Variants in PREX1 observed in about 807,000 individuals in gnomAD.
PREX1 encodes the protein phosphatidylinositol 3,4,5-trisphosphate-dependent Rac exchanger 1 protein.
PREX1 carries 41 observed loss-of-function variants against 198.3 expected under a neutral mutation model. The ratio of observed to expected loss-of-function variants is 0.21; its 90% CI spans 0.16 to 0.27. PREX1 has a LOEUF of 0.27. PREX1 is among the 10% of genes least tolerant of loss of function. The pLI, the probability that PREX1 is intolerant of heterozygous loss-of-function variation, is 1.00. For synonymous variants in PREX1, 843 were observed against 887.2 expected (o/e 0.95, Z 0.89); for missense variants, 1,620 against 2,200.7 (o/e 0.74, Z 5.28).
chr20:48,653,228 G>A (rs562720167), intron 20 of PREX1, 133 bp downstream of exon 20: 6 of 1,372,540 alleles, frequency 4.4e-6, no homozygotes, highest in South Asian at 1.4e-5. Context: ...GCTCCCTCTT[G>A]TTGGGTCAGC....
At chr20:48,697,872 G>A (rs1228030492) in intron 7 of PREX1, among the ~76,000 whole-genome samples, 1 of 152,198 alleles carries the variant, frequency 6.6e-6, no homozygotes, top group African/African-American at 2.4e-5. Flanking sequence ...AATTCGCCCA[G>A]AAGCACTGTG....
the PREX1 span, among the ~76,000 whole-genome samples, chr20:48,873,661 A>C: frequency 2.0e-5 from 3 of 151,968 alleles, no homozygotes; most frequent in Non-Finnish European, 4.4e-5. Flanking sequence ...TGGAGGTTGC[A>C]GTGAGCTGAG....
chr20:48,708,874 A>C (rs1292122708), intron 5 of PREX1, among the ~76,000 whole-genome samples: 2 of 152,124 alleles, frequency 1.3e-5, no homozygotes, highest in Non-Finnish European at 2.9e-5. Flanking sequence ...AAAAACAGAG[A>C]GATCCGCGGT....
At chr20:48,869,788 G>A in the PREX1 span, among the ~76,000 whole-genome samples, 2 of 152,170 alleles carry the variant, frequency 1.3e-5, no homozygotes, top group Non-Finnish European at 2.9e-5. Flanking sequence ...AGTGGGAGTT[G>A]AACAACAAGA....
At chr20:48,706,567 C>T (rs2089903693) in intron 6 of PREX1, among the ~76,000 whole-genome samples, 1 of 152,210 alleles carries the variant, frequency 6.6e-6, no homozygotes, top group African/African-American at 2.4e-5. Context: ...GATCTCCCCA[C>T]TAACTACCCT....
chr20:48,758,084 G>A (rs891873476), intron 1 of PREX1, among the ~76,000 whole-genome samples: 2 of 152,146 alleles, frequency 1.3e-5, no homozygotes, highest in Admixed American at 6.5e-5. Flanking sequence ...TGGGAGGTGG[G>A]AGGTGGGAGA....
intron 1 of PREX1, among the ~76,000 whole-genome samples, chr20:48,817,441 T>C (rs2090463956): frequency 6.6e-6 from 1 of 152,182 alleles, no homozygotes; most frequent in African/African-American, 2.4e-5. Flanking sequence ...AACAGAATGT[T>C]TAAAAATAAC....
chr20:48,648,332 C>G (rs1395342283), intron 25 of PREX1, among the ~76,000 whole-genome samples: 1 of 152,112 alleles, frequency 6.6e-6, no homozygotes, highest in Non-Finnish European at 1.5e-5. Context: ...AATTTTGCCC[C>G]CTAGGAAATC....
chr20:48,627,455 C>T (rs1350310235), intron 39 of PREX1, 93 bp downstream of exon 39: 1 of 1,385,356 alleles, frequency 7.2e-7, no homozygotes. Context: ...CCCATCTGAG[C>T]ATTAGGGGTT....
chr20:48,874,961 T>A, the PREX1 span, among the ~76,000 whole-genome samples: 1 of 152,004 alleles, frequency 6.6e-6, no homozygotes, highest in Non-Finnish European at 1.5e-5. Flanking sequence ...TTATTATCTG[T>A]CTGTCTCAAA....
At chr20:48,658,606 C>T (rs879610886) in intron 16 of PREX1, among the ~76,000 whole-genome samples, 22 of 152,222 alleles carry the variant, frequency 1.4e-4, no homozygotes, top group Admixed American at 3.9e-4. Flanking sequence ...TGAGATGCTG[C>T]CCATCACACG....
At chr20:48,679,610 AG>A in intron 12 of PREX1, 40 bp downstream of exon 12, 1 of 1,544,582 alleles carries the variant, frequency 6.5e-7, no homozygotes, top group Non-Finnish European at 9.0e-7. Flanking sequence ...GAGGTGAACG[AG>A]GCCAGCTGAG....
intron 1 of PREX1, among the ~76,000 whole-genome samples, chr20:48,767,393 C>T (rs1478243801): frequency 2.6e-5 from 4 of 152,092 alleles, no homozygotes; most frequent in Non-Finnish European, 5.9e-5. Flanking sequence ...CCCCCTCAAA[C>T]GAGGGCCCTG....
At chr20:48,708,813 T>C (rs1377129490) in intron 5 of PREX1, among the ~76,000 whole-genome samples, 3 of 151,908 alleles carry the variant, frequency 2.0e-5, no homozygotes, top group Admixed American at 1.3e-4. Flanking sequence ...TGGTATGTAA[T>C]GAGGAACAGA....
At chr20:48,724,445 C>T (rs578256567) in intron 5 of PREX1, among the ~76,000 whole-genome samples, 21 of 152,322 alleles carry the variant, frequency 1.4e-4, no homozygotes, top group African/African-American at 4.8e-4. Context: ...GTTACACACT[C>T]GTAAATGACA....
At chr20:48,730,826 C>T (rs1238213681) in intron 4 of PREX1, among the ~76,000 whole-genome samples, 1 of 151,620 alleles carries the variant, frequency 6.6e-6, no homozygotes, top group Non-Finnish European at 1.5e-5. Flanking sequence ...AAGACCCCAT[C>T]TCCACAAAAA....
the PREX1 span, among the ~76,000 whole-genome samples, chr20:48,833,422 T>C: frequency 4.0e-5 from 6 of 149,596 alleles, no homozygotes; most frequent in Non-Finnish European, 7.4e-5. Flanking sequence ...TTGGACCTTA[T>C]GGTCACCCTA....
At chr20:48,695,836 C>T (rs2089842412) in intron 7 of PREX1, among the ~76,000 whole-genome samples, 1 of 152,178 alleles carries the variant, frequency 6.6e-6, no homozygotes, top group Non-Finnish European at 1.5e-5. Context: ...GTTTTGTAGG[C>T]CATATGGTCT....
chr20:48,787,246 G>A (rs549282537), intron 1 of PREX1, among the ~76,000 whole-genome samples: 1 of 152,052 alleles, frequency 6.6e-6, no homozygotes, highest in Non-Finnish European at 1.5e-5. Context: ...CCTGACACTC[G>A]TGTCTGCTTC....
Sources: gnomAD v4.1 joint callset for allele counts (sites outside exome capture counted in the v4.1 genomes callset) on GRCh38, gnomAD v4.1.1 for gene constraint, MANE v1.5 for transcripts, NCBI Gene and HGNC (gene_info 2026-07-23, HGNC 2026-07-21) for gene names.